NHEJ1: variants seen among roughly 807,000 people sequenced by gnomAD.
The protein encoded by NHEJ1 is non-homologous end-joining factor 1.
A neutral mutation model predicts 39.4 loss-of-function variants in NHEJ1; 22 were observed. That is an observed-to-expected ratio of 0.56 (90% CI 0.40 to 0.80). The LOEUF (loss-of-function observed/expected upper bound fraction) is 0.80. Among genes scored for constraint, NHEJ1 ranks in the 30% least tolerant of loss-of-function variants. The pLI, the probability that NHEJ1 is intolerant of heterozygous loss-of-function variation, is 0.00. For synonymous variants in NHEJ1, 154 were observed against 135.6 expected (o/e 1.14, Z -0.94); for missense variants, 329 against 357.1 (o/e 0.92, Z 0.63).
At chr2:219,094,746 G>A (rs969951512) in intron 5 of NHEJ1, among the ~76,000 whole-genome samples, 1 of 152,020 alleles carries the variant, frequency 6.6e-6, no homozygotes, top group Non-Finnish European at 1.5e-5. Context: ...CACTGAGTGT[G>A]CTAACCCCCT....
chr2:219,155,296 G>C (rs1949842547), intron 3 of NHEJ1, among the ~76,000 whole-genome samples: 1 of 151,970 alleles, frequency 6.6e-6, no homozygotes, highest in Non-Finnish European at 1.5e-5. Flanking sequence ...GATGGGGCCA[G>C]GCTCCTGCTT....
rs1201465896 is a variant in NHEJ1 at position 219,147,069 on chromosome 2, T to C, written c.530-331A>G. ...AGTCCATGTTGCTCTGGTACAATTC[T>C]GTATAGCTATTGGCTCCTTTCCAAA... On this transcript the variant is annotated intron_variant, in intron 4 of 7. Coordinates refer to ENST00000356853, the MANE Select transcript of NHEJ1 (RefSeq NM_024782.3). Among the ~76,000 whole-genome samples the C allele has an allele frequency of 3.3e-5, 5 of 152,368 alleles. No individual in the cohort carries two copies. The South Asian group carries it at 8.3e-4, about 25-fold the overall frequency.
chr2:219,091,071 G>C (rs1039148731), intron 5 of NHEJ1, among the ~76,000 whole-genome samples: 3 of 152,132 alleles, frequency 2.0e-5, no homozygotes, highest in East Asian at 3.9e-4. Context: ...TGAAGTATGT[G>C]CTGGGAATTC....
intron 5 of NHEJ1, among the ~76,000 whole-genome samples, chr2:219,135,594 G>C (rs1376906453): frequency 6.6e-6 from 1 of 152,204 alleles, no homozygotes; most frequent in Non-Finnish European, 1.5e-5. Flanking sequence ...ACAGGACAGA[G>C]TGAGATTCCG....
intron 2 of NHEJ1, 46 bp from the exon 3 acceptor site, chr2:219,157,730 T>C (rs1949869213): frequency 5.4e-6 from 8 of 1,492,322 alleles, no homozygotes; most frequent in Non-Finnish European, 7.4e-6. Flanking sequence ...AAAAGGAAAC[T>C]AATTCCCTCA....
At chr2:219,142,908 A>G (rs943292955) in intron 5 of NHEJ1, among the ~76,000 whole-genome samples, 3 of 152,228 alleles carry the variant, frequency 2.0e-5, no homozygotes, top group Non-Finnish European at 4.4e-5. Context: ...GTTCCCCAGA[A>G]TTGAGAAATC....
chr2:219,156,123 C>T (rs1171281080), intron 3 of NHEJ1, among the ~76,000 whole-genome samples: 2 of 150,996 alleles, frequency 1.3e-5, no homozygotes, highest in East Asian at 3.9e-4. Context: ...GTGGCAGGCA[C>T]CTGTAGTCTC....
rs1307549197 is a variant in NHEJ1, at chr2:219,158,321, C to A, written c.42G>T (p.Ala14=). 8.1e-6 allele frequency: 13 copies of A among 1,614,056 alleles called. No homozygotes were observed. The Admixed American group carries it at 1.7e-4, about 21-fold the overall frequency. ...LEQGLLMQPW[A]WLQLAENSLL... ...GGGAGTTCTCTGCAAGCTGTAGCCA[C>A]GCCCATGGCTGCATCAACAGGCCTT... The change falls in exon 2 of 8, where the codon GCG becomes GCT. Residue 14 remains alanine, a synonymous_variant. Coordinates refer to ENST00000356853, the MANE Select transcript of NHEJ1 (RefSeq NM_024782.3).
chr2:219,145,127 A>C (rs962304967), intron 5 of NHEJ1, among the ~76,000 whole-genome samples: 3 of 152,132 alleles, frequency 2.0e-5, no homozygotes, highest in Admixed American at 1.3e-4. Flanking sequence ...AGGCAGGAGA[A>C]TTGCTTGAAC....
chr2:219,112,080 C>T (rs951846485), intron 5 of NHEJ1, among the ~76,000 whole-genome samples: 4 of 152,124 alleles, frequency 2.6e-5, no homozygotes, highest in Middle Eastern at 3.2e-3. Context: ...AGGAAAGCTT[C>T]GGCAAGGAAA....
rs1428521345 is a variant in NHEJ1, at chr2:219,072,767, T to G, written c.*3614A>C. Among the ~76,000 whole-genome samples the G allele has an allele frequency of 1.3e-5, 2 of 152,216 alleles. No homozygotes were observed. The highest frequency in any genetic ancestry group is 2.9e-5 in the Non-Finnish European group (2 of 68,036). ...ATGAGGAAGGGCTATTAAGAGAATT[T>G]AGGCTTACTCTATACTCTCTGGAGC... On this transcript the variant is annotated 3_prime_UTR_variant, in exon 8 of 8. Transcript: ENST00000356853.
rs1002194747 is a variant in NHEJ1 at position 219,157,773 on chromosome 2, C to G, written c.178-89G>C. ...CAGCAAAGGAAAGCCCTGGTTAACACGAAGGCAATGGACATGAGAGGAAGG... is the reference window on the plus strand; with the variant it reads ...CAGCAAAGGAAAGCCCTGGTTAACAGGAAGGCAATGGACATGAGAGGAAGG... On this transcript the variant is annotated intron_variant, in intron 2 of 7. Coordinates refer to ENST00000356853, the MANE Select transcript of NHEJ1 (RefSeq NM_024782.3). 9.6e-6 allele frequency: 10 copies of G among 1,037,104 alleles called. No individual in the cohort carries two copies. In the South Asian group the frequency reaches 1.2e-4, roughly 13 times the overall value. The allele number at this position is 1,037,104 out of a possible 1,614,324, so 64.2% of individuals were successfully genotyped here. A position where few individuals can be genotyped will look rare whatever the true frequency, so the allele number is the denominator to read the frequency against.
intron 5 of NHEJ1, among the ~76,000 whole-genome samples, chr2:219,078,934 G>T (rs1004548117): frequency 6.6e-6 from 1 of 152,188 alleles, no homozygotes; most frequent in Admixed American, 6.5e-5. Flanking sequence ...AAAATTTCCT[G>T]ATAGGGAGTG....
At chr2:219,101,758 GC>G (rs1327427346) in intron 5 of NHEJ1, among the ~76,000 whole-genome samples, 1 of 141,344 alleles carries the variant, frequency 7.1e-6, no homozygotes, top group Non-Finnish European at 1.5e-5. Context: ...TTGCTCTGTC[GC>G]CAGGCTGGCA....
intron 5 of NHEJ1, among the ~76,000 whole-genome samples, chr2:219,123,084 T>C (rs1358380512): frequency 6.6e-6 from 1 of 152,168 alleles, no homozygotes; most frequent in African/African-American, 2.4e-5. Flanking sequence ...GAAGTTAGGA[T>C]GTAGAGGCTA....
rs1406922352 is a variant in NHEJ1 at position 219,070,297 on chromosome 2, C to T, written c.*6084G>A. On this transcript the variant is annotated 3_prime_UTR_variant, in exon 8 of 8. Coordinates refer to ENST00000356853, the MANE Select transcript of NHEJ1 (RefSeq NM_024782.3). Reference sequence around the variant, plus strand: ...TGCCTCCCGGGTTCCAGCGATTCTCCTGCCTCAGCCTCCTGAGTAGACTAG... The same window carrying T: ...TGCCTCCCGGGTTCCAGCGATTCTCTTGCCTCAGCCTCCTGAGTAGACTAG... 1.3e-5 allele frequency among the ~76,000 whole-genome samples: 2 copies of T among 152,220 alleles called. No homozygotes were observed. Among genetic ancestry groups the T allele is most frequent in the African/African-American group, 2.4e-5 (1 of 41,464 alleles).
At position 219,089,609 on chromosome 2, in the gene NHEJ1, G is replaced by A. The variant is rs74767608; in HGVS notation, c.589-11403C>T. On this transcript the variant is annotated intron_variant, in intron 5 of 7. Coordinates refer to ENST00000356853, the MANE Select transcript of NHEJ1 (RefSeq NM_024782.3). ...GTGAATGGAGAATGACTGCAAATAG[G>A]TATGGCATTTATTTTTGGGGTGATG... Among the ~76,000 whole-genome samples, 3 of 152,280 alleles carry A rather than the reference G, an allele frequency of 2.0e-5. No individual in the cohort carries two copies. In the East Asian group the frequency reaches 5.8e-4, roughly 29 times the overall value.
At chr2:219,086,936 C>T (rs1009716116) in intron 5 of NHEJ1, among the ~76,000 whole-genome samples, 36 of 152,258 alleles carry the variant, frequency 2.4e-4, no homozygotes, top group Non-Finnish European at 4.6e-4. Context: ...CCCCACCCAG[C>T]CCCAGCACAA....
Position 219,078,283 on chromosome 2 carries a change from C to T in NHEJ1, c.589-77G>A, listed in dbSNP as rs56234225. On this transcript the variant is annotated intron_variant, in intron 5 of 7. Transcript: ENST00000356853. ...CGATCTAATACCCCACATGCAGAACCGGCATCAACCCCAAATGAATTAATA... is the reference window on the plus strand; with the variant it reads ...CGATCTAATACCCCACATGCAGAACTGGCATCAACCCCAAATGAATTAATA... 3.5e-3 allele frequency: 4,225 copies of T among 1,192,156 alleles called. 109 individuals carry two copies. The African/African-American group carries it at 0.055, about 15-fold the overall frequency. 73.8% of individuals were successfully genotyped at this position (1,192,156 alleles called of 1,614,324 possible). A position where few individuals can be genotyped will look rare whatever the true frequency, so the allele number is the denominator to read the frequency against.
Sources: gnomAD v4.1 joint callset for allele counts (sites outside exome capture counted in the v4.1 genomes callset) on GRCh38, gnomAD v4.1.1 for gene constraint, MANE v1.5 for transcripts, NCBI Gene and HGNC (gene_info 2026-07-23, HGNC 2026-07-21) for gene names.